Variants in TCF4 observed in about 807,000 individuals in gnomAD.
TCF4 encodes SL3-3 enhancer factor 2.
A neutral mutation model predicts 82.1 loss-of-function variants in TCF4; 3 were observed. That is an observed-to-expected ratio of 0.04 (90% CI 0.02 to 0.09). The LOEUF (loss-of-function observed/expected upper bound fraction) is 0.09, where lower values mean the gene tolerates loss of function less well. Ranked by LOEUF, TCF4 falls within the 10% of genes least tolerant of loss-of-function variation. The probability of loss-of-function intolerance (pLI) is 1.00; values close to 1 mark genes in which losing one functional copy is unlikely to be tolerated. For synonymous variants in TCF4, 276 were observed against 309.6 expected, an observed-to-expected ratio of 0.89 and a Z score of 1.14; for missense variants, 518 against 852.7, an observed-to-expected ratio of 0.61 and a Z score of 4.89.
chr18:55,608,403 T>G (rs1174146414), intron 2 of TCF4, among the ~76,000 whole-genome samples: 1 of 136,628 alleles, frequency 7.3e-6, no homozygotes, highest in Non-Finnish European at 1.6e-5. Context: ...AATATGGGGC[T>G]TTAGTTGTCA....
chr18:55,457,952 A>G (rs2095798132), intron 5 of TCF4, among the ~76,000 whole-genome samples: 1 of 152,248 alleles, frequency 6.6e-6, no homozygotes, highest in Non-Finnish European at 1.5e-5. Context: ...ACTGCCATAA[A>G]GAACAAAATA....
intron 6 of TCF4, among the ~76,000 whole-genome samples, chr18:55,390,148 G>A (rs145063568): frequency 6.8e-4 from 104 of 152,016 alleles, no homozygotes; most frequent in Middle Eastern, 3.4e-3. Context: ...GTAAGAATAC[G>A]AATTTGGAAA....
At chr18:55,570,807 A>C (rs1281204795) in intron 3 of TCF4, among the ~76,000 whole-genome samples, 2 of 151,730 alleles carry the variant, frequency 1.3e-5, no homozygotes, top group African/African-American at 4.8e-5. Context: ...TTGAGCCCAG[A>C]AAGTCGAGAC....
chr18:55,495,824 C>T (rs2096628885), intron 3 of TCF4: 1 of 152,118 alleles, frequency 6.6e-6, no homozygotes, highest in Non-Finnish European at 1.5e-5. Flanking sequence ...TTTTCCACCG[C>T]TCTTTAATTA....
intron 3 of TCF4, among the ~76,000 whole-genome samples, chr18:55,471,169 T>C (rs920948223): frequency 6.6e-6 from 1 of 152,108 alleles, no homozygotes; most frequent in African/African-American, 2.4e-5. Context: ...CTAAGTAGAG[T>C]AATTTGAAGT....
intron 3 of TCF4, among the ~76,000 whole-genome samples, chr18:55,466,958 A>G (rs1287275977): frequency 6.6e-6 from 1 of 151,988 alleles, no homozygotes; most frequent in Non-Finnish European, 1.5e-5. Context: ...TCCCATTTCC[A>G]TCTTTCCCAC....
chr18:55,497,002 A>G (rs1163619284), intron 3 of TCF4, among the ~76,000 whole-genome samples: 2 of 152,236 alleles, frequency 1.3e-5, no homozygotes, highest in East Asian at 3.9e-4. Flanking sequence ...TGATACTCGT[A>G]AGGCAAAAAA....
At chr18:55,287,192 T>C (rs925268989) in intron 8 of TCF4, among the ~76,000 whole-genome samples, 2 of 152,194 alleles carry the variant, frequency 1.3e-5, no homozygotes, top group Non-Finnish European at 2.9e-5. Context: ...TCTACCAGAA[T>C]GCACCACAAA....
chr18:55,316,256 C>A (rs2074114901), intron 8 of TCF4, among the ~76,000 whole-genome samples: 1 of 151,986 alleles, frequency 6.6e-6, no homozygotes. Context: ...CTTCTTAAGG[C>A]AAAAGTAAAT....
In TCF4 at chr18:55,588,111, A is replaced by ACCG. The variant is rs2097670676; in HGVS notation, c.-97_-95dup. The ACCG allele has an allele frequency of 1.9e-6, 2 of 1,029,488 alleles. No homozygotes were observed. Among genetic ancestry groups the ACCG allele is most frequent in the African/African-American group, 1.7e-5 (1 of 57,752 alleles). The allele number at this position is 1,029,488 out of a possible 1,614,324, so 63.8% of individuals were successfully genotyped here. On this transcript the variant is annotated 5_prime_UTR_variant, in exon 1 of 20. Transcript: ENST00000354452. ...GCGTTCATGTCTAACCGCCGCCGCC[A>ACCG]CCGCCGCCGCCTGCTCCTGCGCCCG... is the stretch of plus-strand genomic sequence containing the variant.
chr18:55,296,024 G>C (rs1052829548), intron 8 of TCF4, among the ~76,000 whole-genome samples: 1 of 151,856 alleles, frequency 6.6e-6, no homozygotes, highest in African/African-American at 2.4e-5. Flanking sequence ...GTAGGCATTT[G>C]ATAAATATTA....
intron 2 of TCF4, among the ~76,000 whole-genome samples, chr18:55,607,779 A>C (rs1334909141): frequency 6.6e-6 from 1 of 152,232 alleles, no homozygotes; most frequent in Non-Finnish European, 1.5e-5. Flanking sequence ...AAATGTGCTA[A>C]TTCCATTTAA....
intron 3 of TCF4, among the ~76,000 whole-genome samples, chr18:55,559,778 G>A (rs2097339234): frequency 1.3e-5 from 2 of 151,830 alleles, no homozygotes; most frequent in African/African-American, 2.4e-5. Flanking sequence ...TTTCCATTCC[G>A]TAAATGTAAA....
intron 8 of TCF4, among the ~76,000 whole-genome samples, chr18:55,340,855 C>A (rs1223773544): frequency 6.6e-6 from 1 of 152,004 alleles, no homozygotes; most frequent in African/African-American, 2.4e-5. Context: ...GCATTCAAAC[C>A]CCAATGAGTA....
chr18:55,407,661 A>C (rs2094161301), intron 5 of TCF4, among the ~76,000 whole-genome samples: 1 of 152,136 alleles, frequency 6.6e-6, no homozygotes, highest in African/African-American at 2.4e-5. Context: ...AAAAAAAAAA[A>C]AAAAAAGTCA....
chr18:55,525,470 G>A (rs922641223), intron 3 of TCF4, among the ~76,000 whole-genome samples: 1 of 152,112 alleles, frequency 6.6e-6, no homozygotes, highest in African/African-American at 2.4e-5. Flanking sequence ...ATTTGTGGTA[G>A]AAATCTGAAA....
chr18:55,601,041 TAC>T (rs1180690172), intron 2 of TCF4, among the ~76,000 whole-genome samples: 1 of 152,176 alleles, frequency 6.6e-6, no homozygotes. Flanking sequence ...CACCCTCAGA[TAC>T]AGAGAAATGC....
intron 3 of TCF4, among the ~76,000 whole-genome samples, chr18:55,465,430 A>G (rs985674106): frequency 5.3e-5 from 8 of 151,338 alleles, no homozygotes; most frequent in Admixed American, 5.3e-4. Context: ...TTTTTTTTTA[A>G]TGACAAATAT....
At chr18:55,438,507 C>T (rs56299223) in intron 5 of TCF4, among the ~76,000 whole-genome samples, 7,222 of 152,268 alleles carry the variant, frequency 0.047, 236 homozygotes, top group African/African-American at 0.086. Context: ...AGTGATGTAG[C>T]TCAATGGACC....
Sources: gnomAD v4.1 joint callset for allele counts (sites outside exome capture counted in the v4.1 genomes callset) on GRCh38, gnomAD v4.1.1 for gene constraint, MANE v1.5 for transcripts, NCBI Gene and HGNC (gene_info 2026-07-23, HGNC 2026-07-21) for gene names.